The following DAB1 variants were observed in gnomAD, a reference collection of about 807,000 sequenced individuals.
The protein encoded by DAB1 is DAB adaptor protein 1.
DAB1 carries 15 observed loss-of-function variants against 64.6 expected under a neutral mutation model. The observed-to-expected ratio is 0.23, with a 90% confidence interval of 0.16 to 0.36. The LOEUF (loss-of-function observed/expected upper bound fraction) is 0.36. DAB1 is among the 10% of genes least tolerant of loss of function. The pLI, the probability that DAB1 is intolerant of heterozygous loss-of-function variation, is 1.00. For synonymous variants in DAB1, 235 were observed against 251.9 expected, an observed-to-expected ratio of 0.93 and a Z score of 0.64; for missense variants, 596 against 706.7, an observed-to-expected ratio of 0.84 and a Z score of 1.78.
chr1:57,227,311 C>A (rs967598624), intron 2 of DAB1, among the ~76,000 whole-genome samples: 1 of 152,060 alleles, frequency 6.6e-6, no homozygotes, highest in African/African-American at 2.4e-5. Context: ...CTGTTCTATG[C>A]CTGGCAGTAT....
chr1:57,002,352 G>A (rs76018444), intron 14 of DAB1, among the ~76,000 whole-genome samples: 2,250 of 152,242 alleles, frequency 0.015, 64 homozygotes, highest in African/African-American at 0.052. Context: ...ATTCCTCAGC[G>A]CAGAGGGAGG....
intron 5 of DAB1, among the ~76,000 whole-genome samples, chr1:58,019,079 T>A (rs527572193): frequency 6.6e-6 from 1 of 152,304 alleles, no homozygotes; most frequent in Non-Finnish European, 1.5e-5. Flanking sequence ...GGGCCTCAGT[T>A]TCCTCATTTA....
chr1:57,500,180 C>G (rs1644274566), intron 7 of DAB1, among the ~76,000 whole-genome samples: 1 of 152,182 alleles, frequency 6.6e-6, no homozygotes, highest in Admixed American at 6.5e-5. Flanking sequence ...GTTCTCTTTG[C>G]TAAAGAGATG....
rs375684000 is a variant in DAB1 at position 57,034,278 on chromosome 1, C to CA, written c.724-8236dup. On this transcript the variant is annotated intron_variant, in intron 9 of 14. Transcript: ENST00000371236. ...CTGGGTGACAGAGCGGACTCCATTT[C>CA]AAAAAAAAAAAAAGAAATGCTCCTC... is the stretch of plus-strand genomic sequence containing the variant. Among the ~76,000 whole-genome samples the CA allele has an allele frequency of 2.2e-3, 264 of 119,204 alleles. 6 individuals carry two copies. Among genetic ancestry groups the CA allele is most frequent in the African/African-American group, 5.5e-3 (158 of 28,642 alleles). 78.2% of individuals were successfully genotyped at this position (119,204 alleles called of 152,430 possible). A position where few individuals can be genotyped will look rare whatever the true frequency, so the allele number is the denominator to read the frequency against.
intron 5 of DAB1, among the ~76,000 whole-genome samples, chr1:57,945,534 C>T (rs1003503202): frequency 6.6e-6 from 1 of 151,960 alleles, no homozygotes; most frequent in Non-Finnish European, 1.5e-5. Context: ...CCCATCTTGG[C>T]TTCCCAAAGT....
chr1:57,409,106 A>G (rs1356484963), intron 1 of DAB1, among the ~76,000 whole-genome samples: 2 of 152,036 alleles, frequency 1.3e-5, no homozygotes, highest in African/African-American at 4.8e-5. Context: ...CCGGCAGCCC[A>G]ACTCCTGGCC....
At chr1:57,081,870 G>A (rs1305472269) in intron 4 of DAB1, among the ~76,000 whole-genome samples, 3 of 151,884 alleles carry the variant, frequency 2.0e-5, no homozygotes, top group Non-Finnish European at 4.4e-5. Context: ...TAAATATATT[G>A]CTATTAAAAA....
intron 7 of DAB1, among the ~76,000 whole-genome samples, chr1:57,518,079 A>T (rs2101371453): frequency 6.6e-6 from 1 of 152,334 alleles, no homozygotes; most frequent in East Asian, 1.9e-4. Flanking sequence ...TTATATCTTG[A>T]TTCCCATGGG....
chr1:57,764,204 T>C (rs1649209326), intron 6 of DAB1, among the ~76,000 whole-genome samples: 1 of 152,190 alleles, frequency 6.6e-6, no homozygotes. Context: ...ATTTCAGTTC[T>C]AGAGGGGCCA....
intron 3 of DAB1, among the ~76,000 whole-genome samples, chr1:58,466,462 G>A (rs1375486052): frequency 6.6e-6 from 1 of 152,036 alleles, no homozygotes. Context: ...GATGGGGTGG[G>A]TAGGTCTGTG....
At chr1:57,010,577 G>T (rs182338635) in intron 14 of DAB1, 103 bp downstream of exon 14, 5 of 563,476 alleles carry the variant, frequency 8.9e-6, no homozygotes, top group Non-Finnish European at 1.6e-5. Context: ...CAGGCAAGGA[G>T]ACATGGTGCA....
At chr1:57,011,110 G>A (rs1553127496) in intron 13 of DAB1, 35 bp downstream of exon 13, 2 of 1,613,068 alleles carry the variant, frequency 1.2e-6, no homozygotes, top group South Asian at 2.2e-5. Context: ...TAATTTTAAG[G>A]AAAAACACAA....
At position 57,994,901 on chromosome 1, in the gene DAB1, A is replaced by T. The variant is rs1176551986; in HGVS notation, n.388-110739T>A. Among the ~76,000 whole-genome samples, 4 of 738 alleles carry T rather than the reference A, an allele frequency of 5.4e-3. No individual in the cohort carries two copies. The Non-Finnish European group carries it at 0.15, about 28-fold the overall frequency. The allele number at this position is 738 out of a possible 152,430, so 0.5% of individuals were successfully genotyped here. A position where few individuals can be genotyped will look rare whatever the true frequency, so the allele number is the denominator to read the frequency against. ...TAATGTTTGGATTGTTTAGTGATTAAAAAAAAAGAAAGAAGAGAGGAAGAA... is the reference window on the plus strand; with the variant it reads ...TAATGTTTGGATTGTTTAGTGATTATAAAAAAAGAAAGAAGAGAGGAAGAA... On this transcript the variant is annotated intron_variant and non_coding_transcript_variant, in intron 5 of 20. Coordinates refer to the DAB1 transcript ENST00000485760.
At chr1:57,838,217 C>CA (rs140409162) in intron 1 of DAB1, among the ~76,000 whole-genome samples, 3,024 of 152,020 alleles carry the variant, frequency 0.02, 94 homozygotes, top group African/African-American at 0.069. Context: ...TGACGCTTTT[C>CA]AAAAAACATG....
intron 7 of DAB1, among the ~76,000 whole-genome samples, chr1:57,625,060 A>C (rs1645906170): frequency 6.6e-6 from 1 of 152,210 alleles, no homozygotes; most frequent in Admixed American, 6.5e-5. Context: ...GCATGTGTTA[A>C]AGACGGATGC....
intron 1 of DAB1, among the ~76,000 whole-genome samples, chr1:57,875,479 G>A (rs1375309912): frequency 1.3e-5 from 2 of 152,062 alleles, no homozygotes; most frequent in African/African-American, 2.4e-5. Flanking sequence ...CCAAGTACCT[G>A]ATACCTTCTG....
intron 2 of DAB1, among the ~76,000 whole-genome samples, chr1:57,242,379 A>G (rs1668556590): frequency 6.6e-6 from 1 of 152,164 alleles, no homozygotes; most frequent in Admixed American, 6.5e-5. Flanking sequence ...CAAAGAGAAA[A>G]AGAGACAAAG....
At chr1:58,421,457 C>G (rs1644771245) in intron 3 of DAB1, among the ~76,000 whole-genome samples, 1 of 152,002 alleles carries the variant, frequency 6.6e-6, no homozygotes, top group South Asian at 2.1e-4. Context: ...AATGGACTGG[C>G]AGAAAAAAAA....
intron 1 of DAB1, among the ~76,000 whole-genome samples, chr1:57,863,404 T>C (rs1301228869): frequency 6.6e-6 from 1 of 152,200 alleles, no homozygotes. Context: ...CATCAAATTA[T>C]ATACTTCAAA....
Sources: allele counts gnomAD v4.1 joint callset (sites outside exome capture counted in the v4.1 genomes callset), GRCh38; gene constraint gnomAD v4.1.1; transcripts MANE v1.5; gene names NCBI Gene and HGNC (gene_info 2026-07-23, HGNC 2026-07-21).